ERC2: variants seen among roughly 807,000 people sequenced by gnomAD.
ERC2 encodes ERC protein 2.
ERC2 carries 42 observed loss-of-function variants against 114.8 expected under a neutral mutation model. That is an observed-to-expected ratio of 0.37 (90% CI 0.29 to 0.47). ERC2 has a LOEUF of 0.47. ERC2 is among the 20% of genes least tolerant of loss of function. The probability of loss-of-function intolerance (pLI) is 0.99; values close to 1 mark genes in which losing one functional copy is unlikely to be tolerated. For synonymous variants in ERC2, 454 were observed against 425.5 expected (o/e 1.07, Z -0.82); for missense variants, 939 against 1,150.7 (o/e 0.82, Z 2.66).
At chr3:56,346,885 A>C (rs565725183) in intron 2 of ERC2, among the ~76,000 whole-genome samples, 1 of 152,172 alleles carries the variant, frequency 6.6e-6, no homozygotes. Context: ...AGAGCACGAG[A>C]TGGAGTTCAC....
chr3:56,124,449 C>T (rs1005730005), intron 6 of ERC2, among the ~76,000 whole-genome samples: 3 of 152,324 alleles, frequency 2.0e-5, no homozygotes, highest in Non-Finnish European at 2.9e-5. Flanking sequence ...AAGACAAATG[C>T]AAAGCTCTAT....
At chr3:55,735,865 A>G (rs1187025049) in intron 14 of ERC2, among the ~76,000 whole-genome samples, 3 of 152,270 alleles carry the variant, frequency 2.0e-5, no homozygotes, top group Admixed American at 6.5e-5. Context: ...CATCCCACCA[A>G]AAACGATTAC....
At chr3:56,153,915 T>G (rs745635033) in intron 4 of ERC2, among the ~76,000 whole-genome samples, 1 of 152,202 alleles carries the variant, frequency 6.6e-6, no homozygotes. Context: ...CATATTGGTC[T>G]ACGGACATTG....
At chr3:56,448,935 C>T (rs1304823578) in intron 1 of ERC2, among the ~76,000 whole-genome samples, 3 of 152,036 alleles carry the variant, frequency 2.0e-5, no homozygotes, top group Admixed American at 6.5e-5. Flanking sequence ...ATTAGCCAGG[C>T]GTGGTGGCAG....
At chr3:55,954,882 T>C (rs2067831439) in intron 12 of ERC2, among the ~76,000 whole-genome samples, 1 of 151,830 alleles carries the variant, frequency 6.6e-6, no homozygotes, top group Non-Finnish European at 1.5e-5. Flanking sequence ...AACATTTCCA[T>C]TACAACTGTA....
At chr3:56,212,608 C>T (rs1181488745) in intron 3 of ERC2, among the ~76,000 whole-genome samples, 1 of 152,180 alleles carries the variant, frequency 6.6e-6, no homozygotes, top group East Asian at 1.9e-4. Context: ...TCCTGGGTAT[C>T]TACCCAGAGG....
intron 2 of ERC2, among the ~76,000 whole-genome samples, chr3:56,417,929 T>G (rs141933649): frequency 8.5e-5 from 13 of 152,294 alleles, no homozygotes; most frequent in African/African-American, 3.1e-4. Flanking sequence ...AAGTGTTAAG[T>G]AGGGTTCAAG....
At chr3:56,255,869 T>A (rs150748028) in intron 3 of ERC2, among the ~76,000 whole-genome samples, 1 of 152,326 alleles carries the variant, frequency 6.6e-6, no homozygotes, top group African/African-American at 2.4e-5. Context: ...TGTCGTTGCC[T>A]AGGAGCTAAT....
At chr3:56,229,566 CA>C (rs1330973293) in intron 3 of ERC2, among the ~76,000 whole-genome samples, 1 of 152,104 alleles carries the variant, frequency 6.6e-6, no homozygotes, top group Non-Finnish European at 1.5e-5. Flanking sequence ...AGTCTTTGCT[CA>C]GAGAATCATT....
intron 14 of ERC2, among the ~76,000 whole-genome samples, chr3:55,805,539 G>A (rs2059454184): frequency 6.6e-6 from 1 of 151,552 alleles, no homozygotes; most frequent in Non-Finnish European, 1.5e-5. Flanking sequence ...CCACCAGCAA[G>A]CAGAAGACTG....
intron 14 of ERC2, among the ~76,000 whole-genome samples, chr3:55,769,073 G>C (rs9815155): frequency 0.12 from 18,021 of 152,080 alleles, 2,228 homozygotes; most frequent in African/African-American, 0.31. Flanking sequence ...ATGAGTGTTA[G>C]GATCACAGTG....
rs574172443 is a variant in ERC2 at position 56,156,947 on chromosome 3, C to A, written c.1150-7815G>T. The stretch of plus-strand genomic sequence containing the variant: ...TTGGGGGTAAGAAAACAAACAACAA[C>A]AAAAAAACAATAGCTGCTATGTATT... On this transcript the variant is annotated intron_variant, in intron 4 of 17. Coordinates refer to ENST00000288221, the MANE Select transcript of ERC2 (RefSeq NM_015576.3). Among the ~76,000 whole-genome samples, 52 of 151,744 alleles carry A rather than the reference C, an allele frequency of 3.4e-4. 1 individual carries two copies. The highest frequency in any genetic ancestry group is 1.2e-3 in the African/African-American group (49 of 41,248).
At position 55,660,475 on chromosome 3, in the gene ERC2, G is replaced by A. The variant is rs995327944; in HGVS notation, c.*39+23319C>T. 5.5e-5 allele frequency among the ~76,000 whole-genome samples: 8 copies of A among 146,326 alleles called. No individual in the cohort carries two copies. In the East Asian group the frequency reaches 5.8e-4, roughly 11 times the overall value. ...GCTTGCAGAACCTGGGGGGTGGGGC[G>A]GGGGTGGCGTGGGAGTCTCCTATTT... On this transcript the variant is annotated intron_variant, in intron 17 of 17. Transcript: ENST00000288221.
At chr3:55,736,890 G>T (rs554141405) in intron 14 of ERC2, among the ~76,000 whole-genome samples, 1 of 152,118 alleles carries the variant, frequency 6.6e-6, no homozygotes. Flanking sequence ...TGATTTTTGC[G>T]TAGGAAATAG....
intron 1 of ERC2, among the ~76,000 whole-genome samples, chr3:56,452,913 A>G (rs891148832): frequency 2.0e-5 from 3 of 152,190 alleles, no homozygotes; most frequent in African/African-American, 7.2e-5. Flanking sequence ...ATCATCATCA[A>G]TATTGACCAC....
At chr3:55,896,550 A>C (rs1003712670) in intron 13 of ERC2, among the ~76,000 whole-genome samples, 1 of 152,266 alleles carries the variant, frequency 6.6e-6, no homozygotes, top group Non-Finnish European at 1.5e-5. Context: ...TTCACCAGAC[A>C]ATAATATTTC....
chr3:56,217,463 A>C (rs963411420), intron 3 of ERC2, among the ~76,000 whole-genome samples: 9 of 152,212 alleles, frequency 5.9e-5, no homozygotes, highest in South Asian at 2.1e-4. Flanking sequence ...GGAGAACTAC[A>C]AACCACTGCT....
chr3:55,630,955 G>GA lies in ERC2; in HGVS notation c.*39+52838dup, dbSNP rs11316333. ...AATCATGGCAGTAATGATCAGTTTG[G>GA]AAAAAAAAAAATAGATGGAAAGAAT... On this transcript the variant is annotated intron_variant, in intron 17 of 17. Coordinates refer to ENST00000288221, the MANE Select transcript of ERC2 (RefSeq NM_015576.3). Among the ~76,000 whole-genome samples the GA allele has an allele frequency of 1.4e-3, 212 of 146,994 alleles. 1 individual carries two copies. Among genetic ancestry groups the GA allele is most frequent in the African/African-American group, 4.0e-3 (161 of 40,226 alleles).
At position 55,651,781 on chromosome 3, in the gene ERC2, A is replaced by G. The variant is rs944195940; in HGVS notation, c.*39+32013T>C. The stretch of plus-strand genomic sequence containing the variant: ...ACAGGGGATCATCCATTATTCTCTG[A>G]TTGGTGTTTTTAATTAGACTCATTC... On this transcript the variant is annotated intron_variant, in intron 17 of 17. Coordinates refer to ENST00000288221, the MANE Select transcript of ERC2 (RefSeq NM_015576.3). 8.5e-5 allele frequency among the ~76,000 whole-genome samples: 13 copies of G among 152,290 alleles called. 1 individual carries two copies. Among genetic ancestry groups the G allele is most frequent in the African/African-American group, 3.1e-4 (13 of 41,550 alleles).
Sources: allele counts gnomAD v4.1 joint callset (sites outside exome capture counted in the v4.1 genomes callset), GRCh38; gene constraint gnomAD v4.1.1; transcripts MANE v1.5; gene names NCBI Gene and HGNC (gene_info 2026-07-23, HGNC 2026-07-21).